The following DBX2 variants were observed in gnomAD, a reference collection of about 807,000 sequenced individuals.
DBX2 encodes the protein developing brain homeobox 2.
In DBX2, 16 loss-of-function variants were observed where a neutral mutation model predicts 17.7. That is an observed-to-expected ratio of 0.90 (90% CI 0.61 to 1.37). The LOEUF (loss-of-function observed/expected upper bound fraction) is 1.37. Among genes scored for constraint, DBX2 ranks in the 40% most tolerant of loss-of-function variants. The pLI, the probability that DBX2 is intolerant of heterozygous loss-of-function variation, is 0.00. For missense variants in DBX2, 538 were observed against 433.8 expected (o/e 1.24, Z -2.13); for synonymous variants, 255 against 183.8 (o/e 1.39, Z -3.13).
At chr12:45,048,968 G>T (rs1352965706) in intron 1 of DBX2, among the ~76,000 whole-genome samples, 1 of 152,090 alleles carries the variant, frequency 6.6e-6, no homozygotes, top group Admixed American at 6.5e-5. Flanking sequence ...ATATGTTCTT[G>T]AAAATAAAAA....
At chr12:45,042,097 CA>C (rs1244149353) in intron 1 of DBX2, among the ~76,000 whole-genome samples, 1 of 152,174 alleles carries the variant, frequency 6.6e-6, no homozygotes, top group Non-Finnish European at 1.5e-5. Context: ...TAGGACTGGA[CA>C]CCCGCATAAC....
intron 2 of DBX2, among the ~76,000 whole-genome samples, chr12:45,029,072 C>T (rs1351448239): frequency 6.6e-6 from 1 of 152,092 alleles, no homozygotes; most frequent in Non-Finnish European, 1.5e-5. Context: ...CATATAAGCA[C>T]CTAAATTTTA....
intron 1 of DBX2, among the ~76,000 whole-genome samples, chr12:45,046,770 T>C (rs1166791832): frequency 2.0e-5 from 3 of 152,098 alleles, no homozygotes; most frequent in African/African-American, 7.2e-5. Flanking sequence ...ACAAGAAAAC[T>C]AGAGTGCACA....
chr12:45,024,178 G>A (rs1348127730), intron 2 of DBX2, among the ~76,000 whole-genome samples: 1 of 151,820 alleles, frequency 6.6e-6, no homozygotes, highest in East Asian at 1.9e-4. Context: ...CACGAGATCT[G>A]ATGGTTTTGT....
intron 3 of DBX2, among the ~76,000 whole-genome samples, chr12:45,021,492 C>G (rs1361843391): frequency 6.6e-6 from 1 of 152,198 alleles, no homozygotes; most frequent in Non-Finnish European, 1.5e-5. Context: ...AGAGCACTGT[C>G]AGATGGAACT....
chr12:45,034,481 A>G (rs145939448), intron 2 of DBX2, among the ~76,000 whole-genome samples: 117 of 152,314 alleles, frequency 7.7e-4, no homozygotes, highest in African/African-American at 2.7e-3. Flanking sequence ...GGAGCGAGTA[A>G]AAGGTTTAGT....
At chr12:45,043,109 T>C (rs980749976) in intron 1 of DBX2, among the ~76,000 whole-genome samples, 1 of 152,196 alleles carries the variant, frequency 6.6e-6, no homozygotes, top group African/African-American at 2.4e-5. Context: ...ATTGGTCTAC[T>C]CCAGCAGAAG....
intron 3 of DBX2, among the ~76,000 whole-genome samples, chr12:45,017,117 A>C (rs1347348777): frequency 1.3e-5 from 2 of 152,152 alleles, no homozygotes; most frequent in African/African-American, 2.4e-5. Context: ...CCCCATACAC[A>C]CATTTGAAAC....
chr12:45,042,076 A>G (rs1241540089), intron 1 of DBX2, among the ~76,000 whole-genome samples: 1 of 152,176 alleles, frequency 6.6e-6, no homozygotes, highest in African/African-American at 2.4e-5. Context: ...ATTGTTTTAA[A>G]TCAGGCTGGC....
chr12:45,027,262 T>C (rs938846722), intron 2 of DBX2, among the ~76,000 whole-genome samples: 1 of 152,242 alleles, frequency 6.6e-6, no homozygotes, highest in African/African-American at 2.4e-5. Flanking sequence ...TTGTATTTTA[T>C]TTGATCTTTA....
chr12:45,045,190 T>C (rs1331390358), intron 1 of DBX2, among the ~76,000 whole-genome samples: 1 of 152,172 alleles, frequency 6.6e-6, no homozygotes, highest in Admixed American at 6.5e-5. Context: ...ACTCAGTTAT[T>C]TAAACTGACT....
chr12:45,028,765 A>G (rs1367400704), intron 2 of DBX2, among the ~76,000 whole-genome samples: 1 of 152,218 alleles, frequency 6.6e-6, no homozygotes, highest in African/African-American at 2.4e-5. Flanking sequence ...ATAACAAACA[A>G]GAACTCAACC....
intron 2 of DBX2, among the ~76,000 whole-genome samples, chr12:45,031,225 T>TGTGTGTGAGAGAGAGA (rs1377897653): frequency 3.3e-4 from 28 of 85,650 alleles, no homozygotes; most frequent in South Asian, 1.2e-3. Context: ...TGTGTGTGTG[T>TGTGTGTGAGAGAGAGA]GAGAGAGAGA....
At chr12:45,042,277 T>C (rs1410627711) in intron 1 of DBX2, among the ~76,000 whole-genome samples, 1 of 152,206 alleles carries the variant, frequency 6.6e-6, no homozygotes, top group Non-Finnish European at 1.5e-5. Context: ...AAAGCTGTAT[T>C]GTGCAGACTT....
intron 1 of DBX2, among the ~76,000 whole-genome samples, chr12:45,044,918 A>G (rs958431977): frequency 1.3e-5 from 2 of 152,182 alleles, no homozygotes; most frequent in Admixed American, 6.5e-5. Flanking sequence ...AAAAAGAATG[A>G]AAGAGAGAGA....
chr12:45,042,964 G>GA (rs1009281006), intron 1 of DBX2, among the ~76,000 whole-genome samples: 7 of 152,096 alleles, frequency 4.6e-5, no homozygotes, highest in African/African-American at 9.7e-5. Context: ...AGACCGCTCT[G>GA]AAAAAATGAT....
chr12:45,028,929 A>G (rs925164245), intron 2 of DBX2, among the ~76,000 whole-genome samples: 1 of 152,228 alleles, frequency 6.6e-6, no homozygotes, highest in Non-Finnish European at 1.5e-5. Flanking sequence ...GAAGCATATG[A>G]CAATGCTGCT....
At chr12:45,039,660 T>G (rs1026827907) in intron 1 of DBX2, among the ~76,000 whole-genome samples, 2 of 152,070 alleles carry the variant, frequency 1.3e-5, no homozygotes, top group African/African-American at 4.8e-5. Context: ...TAACACATGC[T>G]AACTCATTGA....
intron 3 of DBX2, among the ~76,000 whole-genome samples, chr12:45,020,038 TTTA>T (rs1946343569): frequency 6.6e-6 from 1 of 152,180 alleles, no homozygotes; most frequent in Non-Finnish European, 1.5e-5. Flanking sequence ...TGTTAATAGC[TTTA>T]TTGAGCCTAT....
Sources: allele counts gnomAD v4.1 joint callset (sites outside exome capture counted in the v4.1 genomes callset), GRCh38; gene constraint gnomAD v4.1.1; transcripts MANE v1.5; gene names NCBI Gene and HGNC (gene_info 2026-07-23, HGNC 2026-07-21).